The following SORCS3 variants were observed in gnomAD, a reference collection of about 807,000 sequenced individuals.
The protein encoded by SORCS3 is sortilin related VPS10 domain containing receptor 3.
A neutral mutation model predicts 146.3 loss-of-function variants in SORCS3; 57 were observed. That is an observed-to-expected ratio of 0.39 (90% CI 0.31 to 0.49). SORCS3 has a LOEUF of 0.49. Among genes scored for constraint, SORCS3 ranks in the 20% least tolerant of loss-of-function variants. The pLI, the probability that SORCS3 is intolerant of heterozygous loss-of-function variation, is 0.92. For missense variants in SORCS3, 1,341 were observed against 1,575.5 expected, an observed-to-expected ratio of 0.85 and a Z score of 2.52; for synonymous variants, 653 against 618.5, an observed-to-expected ratio of 1.06 and a Z score of -0.83.
intron 7 of SORCS3, among the ~76,000 whole-genome samples, chr10:105,125,832 T>C (rs2055970080): frequency 6.6e-6 from 1 of 152,104 alleles, no homozygotes; most frequent in Non-Finnish European, 1.5e-5. Flanking sequence ...CCCTACTTTG[T>C]GTCAGCAGAT....
rs191237071 is a variant in SORCS3, at chr10:105,145,646, A to G, written c.1303-1971A>G. Among the ~76,000 whole-genome samples the G allele has an allele frequency of 2.0e-3, 301 of 152,234 alleles. 7 individuals are homozygous for G. Among genetic ancestry groups the G allele is most frequent in the East Asian group, 7.7e-4 (4 of 5,178 alleles). On this transcript the variant is annotated intron_variant, in intron 8 of 26. Coordinates refer to ENST00000369701, the MANE Select transcript of SORCS3 (RefSeq NM_014978.3). ...TTCCCCTCCTACTGGGTTCTTCGGC[A>G]TTCATTCCACACCAACACAACACGA...
intron 2 of SORCS3, among the ~76,000 whole-genome samples, chr10:104,911,803 A>G (rs2018971613): frequency 6.6e-6 from 1 of 152,056 alleles, no homozygotes; most frequent in African/African-American, 2.4e-5. Context: ...GCATGTTCTC[A>G]AGAGTCCAAT....
intron 14 of SORCS3, among the ~76,000 whole-genome samples, chr10:105,182,892 G>T (rs1459588303): frequency 4.6e-5 from 7 of 151,998 alleles, no homozygotes; most frequent in Non-Finnish European, 8.8e-5. Flanking sequence ...TTATAGAGGT[G>T]GGGTTTTGCC....
intron 2 of SORCS3, among the ~76,000 whole-genome samples, chr10:104,846,906 C>T (rs2018212641): frequency 6.6e-6 from 1 of 152,166 alleles, no homozygotes. Context: ...TAGGAGCACT[C>T]CCTGGCTCTT....
At chr10:105,132,575 A>C (rs1177842602) in intron 7 of SORCS3, among the ~76,000 whole-genome samples, 1 of 152,190 alleles carries the variant, frequency 6.6e-6, no homozygotes, top group Non-Finnish European at 1.5e-5. Flanking sequence ...CTCCAGGGCA[A>C]GCCATCATCC....
intron 2 of SORCS3, among the ~76,000 whole-genome samples, chr10:104,910,732 A>G (rs1283515036): frequency 6.6e-6 from 1 of 152,268 alleles, no homozygotes; most frequent in Non-Finnish European, 1.5e-5. Context: ...ATAAGAAAAA[A>G]AGAACAAGGG....
intron 1 of SORCS3, among the ~76,000 whole-genome samples, chr10:104,800,051 T>C (rs915005779): frequency 4.6e-5 from 7 of 152,090 alleles, no homozygotes; most frequent in African/African-American, 1.7e-4. Flanking sequence ...TAATAACAAC[T>C]TTATACATAA....
intron 4 of SORCS3, among the ~76,000 whole-genome samples, chr10:104,997,520 C>A (rs965165261): frequency 6.6e-6 from 1 of 152,094 alleles, no homozygotes; most frequent in African/African-American, 2.4e-5. Flanking sequence ...CTGTTATAAT[C>A]ATTGGAAAAA....
intron 20 of SORCS3, among the ~76,000 whole-genome samples, chr10:105,238,066 A>G (rs931435035): frequency 3.9e-5 from 6 of 152,180 alleles, no homozygotes; most frequent in Non-Finnish European, 2.9e-5. Context: ...AGAAAGCACA[A>G]TGAGCACATA....
intron 1 of SORCS3, among the ~76,000 whole-genome samples, chr10:104,754,475 C>A (rs1208490183): frequency 6.6e-6 from 1 of 152,082 alleles, no homozygotes; most frequent in Non-Finnish European, 1.5e-5. Flanking sequence ...TTGCTGCATA[C>A]CTATAGGTAT....
chr10:105,027,523 G>A (rs2055239041), intron 4 of SORCS3, among the ~76,000 whole-genome samples: 1 of 151,952 alleles, frequency 6.6e-6, no homozygotes, highest in African/African-American at 2.4e-5. Context: ...TTATGACTTT[G>A]CCTACCTGCT....
intron 3 of SORCS3, among the ~76,000 whole-genome samples, chr10:104,918,234 C>T (rs533890102): frequency 6.6e-6 from 1 of 152,266 alleles, no homozygotes; most frequent in East Asian, 1.9e-4. Context: ...AGATCCCACT[C>T]ATGAACCCAA....
intron 3 of SORCS3, among the ~76,000 whole-genome samples, chr10:104,959,639 G>A (rs182664245): frequency 2.0e-5 from 3 of 152,100 alleles, no homozygotes; most frequent in African/African-American, 4.8e-5. Flanking sequence ...TGCATTCCTC[G>A]CAGGGTAGAG....
At position 105,001,659 on chromosome 10, in the gene SORCS3, C is replaced by G. The variant is rs1051623005; in HGVS notation, c.954+24166C>G. On this transcript the variant is annotated intron_variant, in intron 4 of 26. Coordinates refer to ENST00000369701, the MANE Select transcript of SORCS3 (RefSeq NM_014978.3). ...TCTCTGGGAGGATGCCTATAGAACC[C>G]CTTTAAGGGAAAAAGATGGAAAGGA... is the stretch of plus-strand genomic sequence containing the variant. 4.9e-4 allele frequency among the ~76,000 whole-genome samples: 75 copies of G among 152,094 alleles called. 1 individual carries two copies. The highest frequency in any genetic ancestry group is 2.9e-4 in the Non-Finnish European group (20 of 68,016).
rs190940485 is a variant in SORCS3 at position 104,858,704 on chromosome 10, C to T, written c.695+15845C>T. ...TGGTGTGATCTCGGCTCACTGAAAG[C>T]TCTGCCTCCCGGGTTCAAGCCATTC... is the stretch of plus-strand genomic sequence containing the variant. On this transcript the variant is annotated intron_variant, in intron 2 of 26. Coordinates refer to ENST00000369701, the MANE Select transcript of SORCS3 (RefSeq NM_014978.3). Among the ~76,000 whole-genome samples, 21 of 150,202 alleles carry T rather than the reference C, an allele frequency of 1.4e-4. No homozygotes were observed. In the East Asian group the frequency reaches 3.9e-3, roughly 28 times the overall value.
At chr10:104,839,570 T>G (rs1002716963) in intron 1 of SORCS3, among the ~76,000 whole-genome samples, 1 of 152,136 alleles carries the variant, frequency 6.6e-6, no homozygotes, top group Non-Finnish European at 1.5e-5. Context: ...ATGGGCCAGA[T>G]TGTGGAGTCT....
chr10:105,174,498 A>G (rs1334762135), intron 13 of SORCS3, among the ~76,000 whole-genome samples: 2 of 152,192 alleles, frequency 1.3e-5, no homozygotes, highest in African/African-American at 2.4e-5. Context: ...CAAATATTTT[A>G]TAACTAAGAG....
At chr10:104,727,068 T>G (rs1401272158) in intron 1 of SORCS3, among the ~76,000 whole-genome samples, 1 of 152,204 alleles carries the variant, frequency 6.6e-6, no homozygotes, top group African/African-American at 2.4e-5. Context: ...TCACTCATTG[T>G]CTCCCAATCT....
At chr10:104,760,137 A>T (rs1407922277) in intron 1 of SORCS3, among the ~76,000 whole-genome samples, 2 of 152,046 alleles carry the variant, frequency 1.3e-5, no homozygotes, top group African/African-American at 4.8e-5. Context: ...TGTGTTCAGG[A>T]TGGAGTGCTT....
Sources: allele counts gnomAD v4.1 joint callset (sites outside exome capture counted in the v4.1 genomes callset), GRCh38; gene constraint gnomAD v4.1.1; transcripts MANE v1.5; gene names NCBI Gene and HGNC (gene_info 2026-07-23, HGNC 2026-07-21).